L3MBTL4: variants seen among roughly 807,000 people sequenced by gnomAD.
L3MBTL4 encodes L3MBTL histone methyl-lysine binding protein 4, also known as lethal(3)malignant brain tumor-like protein 4.
Under a neutral mutation model 84.5 loss-of-function variants are expected in L3MBTL4, and 70 were observed. The ratio of observed to expected loss-of-function variants is 0.83; its 90% CI spans 0.68 to 1.01. The LOEUF (loss-of-function observed/expected upper bound fraction) is 1.01, where lower values mean the gene tolerates loss of function less well. L3MBTL4 is among the 50% of genes least tolerant of loss of function. The probability of loss-of-function intolerance (pLI) is 0.00; values close to 1 mark genes in which losing one functional copy is unlikely to be tolerated. For missense variants in L3MBTL4, 715 were observed against 754.8 expected (o/e 0.95, Z 0.62); for synonymous variants, 274 against 259.8 (o/e 1.05, Z -0.52).
chr18:6,265,529 T>C (rs1183863273), intron 4 of L3MBTL4, among the ~76,000 whole-genome samples: 3 of 152,228 alleles, frequency 2.0e-5, no homozygotes, highest in Non-Finnish European at 4.4e-5. Flanking sequence ...CATACATATA[T>C]GATTCTGAGG....
At chr18:6,293,769 C>A (rs1374331358) in intron 4 of L3MBTL4, among the ~76,000 whole-genome samples, 1 of 152,126 alleles carries the variant, frequency 6.6e-6, no homozygotes, top group Non-Finnish European at 1.5e-5. Context: ...AGATACATAA[C>A]CTGAATTTAA....
At chr18:6,124,172 C>T (rs557640286) in intron 14 of L3MBTL4, among the ~76,000 whole-genome samples, 6 of 151,306 alleles carry the variant, frequency 4.0e-5, no homozygotes, top group Non-Finnish European at 7.4e-5. Context: ...AGGGACAGGA[C>T]GAAGAATGGA....
At chr18:6,228,619 C>T (rs550746837) in intron 10 of L3MBTL4, among the ~76,000 whole-genome samples, 1 of 152,232 alleles carries the variant, frequency 6.6e-6, no homozygotes, top group Admixed American at 6.5e-5. Context: ...CATATAAGTA[C>T]ATGAAATGTT....
intron 1 of L3MBTL4, among the ~76,000 whole-genome samples, chr18:6,357,838 T>C (rs969062952): frequency 6.6e-6 from 1 of 152,244 alleles, no homozygotes; most frequent in African/African-American, 2.4e-5. Flanking sequence ...AAATTACTCC[T>C]GCATGCATCA....
chr18:6,291,073 A>G (rs936916917), intron 4 of L3MBTL4, among the ~76,000 whole-genome samples: 46 of 152,200 alleles, frequency 3.0e-4, no homozygotes, highest in African/African-American at 1.1e-3. Flanking sequence ...AGGATGAGAA[A>G]CTGACATTTT....
At chr18:6,148,481 G>A (rs58682342) in intron 13 of L3MBTL4, among the ~76,000 whole-genome samples, 9,243 of 152,102 alleles carry the variant, frequency 0.061, 962 homozygotes, top group African/African-American at 0.21. Flanking sequence ...GCTGGACTGC[G>A]GTGCTGCTAT....
intron 1 of L3MBTL4, among the ~76,000 whole-genome samples, chr18:6,328,401 A>C (rs2051839569): frequency 6.6e-6 from 1 of 152,220 alleles, no homozygotes; most frequent in South Asian, 2.1e-4. Context: ...TATACTCATT[A>C]CAACAGATTT....
rs184234557 is a variant in L3MBTL4 at position 6,210,953 on chromosome 18, C to T, written c.981+2196G>A. Among the ~76,000 whole-genome samples, 35 of 152,314 alleles carry T rather than the reference C, an allele frequency of 2.3e-4. No homozygotes were observed. In the East Asian group the frequency reaches 6.2e-3, roughly 27 times the overall value. ...ACAGCAGCAGCTACTGCTGAAGTACCTATAATATAAAGAGCCAGGTAGAGT... is the reference window on the plus strand; with the variant it reads ...ACAGCAGCAGCTACTGCTGAAGTACTTATAATATAAAGAGCCAGGTAGAGT... On this transcript the variant is annotated intron_variant, in intron 12 of 18. Transcript: ENST00000317931.
intron 16 of L3MBTL4, among the ~76,000 whole-genome samples, chr18:6,077,199 T>C (rs76264234): frequency 0.038 from 5,733 of 152,314 alleles, 208 homozygotes; most frequent in African/African-American, 0.09. Flanking sequence ...AGAATAATTA[T>C]CACTTGTCAT....
At chr18:6,112,641 G>A (rs1438097770) in intron 14 of L3MBTL4, among the ~76,000 whole-genome samples, 3 of 152,006 alleles carry the variant, frequency 2.0e-5, no homozygotes. Context: ...CTGAAATTGA[G>A]AATACCCAAT....
intron 13 of L3MBTL4, among the ~76,000 whole-genome samples, chr18:6,150,152 T>C (rs1463911708): frequency 2.0e-5 from 3 of 152,184 alleles, no homozygotes; most frequent in African/African-American, 7.2e-5. Context: ...GGACTAAAAA[T>C]GTCAAGCTGG....
intron 4 of L3MBTL4, among the ~76,000 whole-genome samples, chr18:6,285,921 T>A (rs2146639815): frequency 6.6e-6 from 1 of 151,326 alleles, no homozygotes; most frequent in South Asian, 2.1e-4. Flanking sequence ...AACCTCCGCC[T>A]CCCGGGTTCA....
At chr18:6,179,777 G>A (rs1465677010) in intron 12 of L3MBTL4, among the ~76,000 whole-genome samples, 1 of 152,146 alleles carries the variant, frequency 6.6e-6, no homozygotes, top group African/African-American at 2.4e-5. Flanking sequence ...ACAGGCGCAT[G>A]CCACCACACC....
chr18:6,030,260 C>G lies in L3MBTL4; in HGVS notation c.1444+50621G>C, dbSNP rs8084935. ...GGATCAGGTTCAGGGAGAGATACCC[C>G]CTTATACCTGTTGAATTTTGCACCA... On this transcript the variant is annotated intron_variant, in intron 16 of 18. Coordinates refer to ENST00000317931, the MANE Select transcript of L3MBTL4 (RefSeq NM_001330559.2). The G allele has an allele frequency of 4.8e-5, 47 of 978,350 alleles. No homozygotes were observed. The East Asian group carries it at 4.9e-3, about 102-fold the overall frequency. 60.6% of individuals were successfully genotyped at this position (978,350 alleles called of 1,614,324 possible).
At chr18:6,251,499 A>G (rs1029606676) in intron 5 of L3MBTL4, among the ~76,000 whole-genome samples, 1 of 152,240 alleles carries the variant, frequency 6.6e-6, no homozygotes, top group Non-Finnish European at 1.5e-5. Flanking sequence ...ATATTAACAC[A>G]TTAAATCATC....
chr18:6,165,435 G>A (rs1357082800), intron 13 of L3MBTL4, among the ~76,000 whole-genome samples: 1 of 152,158 alleles, frequency 6.6e-6, no homozygotes, highest in Non-Finnish European at 1.5e-5. Context: ...CAGAGAGAAA[G>A]GTCGGGTTAC....
At chr18:5,958,168 AGAAGAAGACGAC>A (rs2095243870) in intron 18 of L3MBTL4, among the ~76,000 whole-genome samples, 1 of 132,210 alleles carries the variant, frequency 7.6e-6, no homozygotes, top group African/African-American at 3.4e-5. Context: ...AACAAGAAGA[AGAAGAAGACGAC>A]GAAGAAGAAG....
At chr18:5,997,966 G>T (rs532520175) in intron 16 of L3MBTL4, among the ~76,000 whole-genome samples, 2 of 152,188 alleles carry the variant, frequency 1.3e-5, no homozygotes, top group African/African-American at 4.8e-5. Flanking sequence ...GGATATAAGA[G>T]CCACAGAGAT....
chr18:6,085,866 C>G (rs921012403), intron 15 of L3MBTL4, among the ~76,000 whole-genome samples: 9 of 152,314 alleles, frequency 5.9e-5, no homozygotes, highest in African/African-American at 1.9e-4. Context: ...AGGTGGCAAT[C>G]TGTTAACCCT....
Sources: allele counts gnomAD v4.1 joint callset (sites outside exome capture counted in the v4.1 genomes callset), GRCh38; gene constraint gnomAD v4.1.1; transcripts MANE v1.5; gene names NCBI Gene and HGNC (gene_info 2026-07-23, HGNC 2026-07-21).